The following SUSD4 variants were observed in gnomAD, a reference collection of about 807,000 sequenced individuals.
SUSD4 encodes sushi domain-containing protein 4.
In SUSD4, 41 loss-of-function variants were observed where a neutral mutation model predicts 50.5. The observed-to-expected ratio is 0.81, with a 90% confidence interval of 0.63 to 1.05. SUSD4 has a LOEUF of 1.05. Ranked by LOEUF, SUSD4 falls within the 50% of genes least tolerant of loss-of-function variation. The pLI is 0.00. For synonymous variants in SUSD4, 257 were observed against 257.3 expected, an observed-to-expected ratio of 1.00 and a Z score of 0.01; for missense variants, 580 against 634.7, an observed-to-expected ratio of 0.91 and a Z score of 0.93.
chr1:223,319,786 A>G (rs1666460406), intron 2 of SUSD4, among the ~76,000 whole-genome samples: 2 of 152,222 alleles, frequency 1.3e-5, no homozygotes, highest in Non-Finnish European at 2.9e-5. Flanking sequence ...TCACACTGAC[A>G]CTTCCAACTA....
chr1:223,245,544 C>A (rs576254156), intron 5 of SUSD4, among the ~76,000 whole-genome samples: 1 of 151,960 alleles, frequency 6.6e-6, no homozygotes, highest in Non-Finnish European at 1.5e-5. Flanking sequence ...GGGAGGCAGG[C>A]GGGACACTGT....
intron 5 of SUSD4, among the ~76,000 whole-genome samples, chr1:223,260,982 C>G (rs557645496): frequency 4.6e-5 from 7 of 152,302 alleles, no homozygotes; most frequent in African/African-American, 1.4e-4. Flanking sequence ...AGGTGCCATG[C>G]GGCAGAGACC....
intron 3 of SUSD4, among the ~76,000 whole-genome samples, chr1:223,285,162 T>C (rs1664053706): frequency 1.3e-5 from 2 of 152,070 alleles, no homozygotes; most frequent in Admixed American, 1.3e-4. Context: ...AAATAAAACA[T>C]AGGTACCCAA....
At chr1:223,252,759 G>T (rs1661422115) in intron 5 of SUSD4, among the ~76,000 whole-genome samples, 2 of 151,442 alleles carry the variant, frequency 1.3e-5, no homozygotes. Context: ...CCTTCTTAAG[G>T]CCTGGACCAA....
At chr1:223,282,498 A>C (rs1663816401) in intron 3 of SUSD4, among the ~76,000 whole-genome samples, 1 of 152,104 alleles carries the variant, frequency 6.6e-6, no homozygotes, top group Non-Finnish European at 1.5e-5. Flanking sequence ...AATTGCTTCA[A>C]AAAGAATAAA....
At chr1:223,294,171 T>C (rs1043854547) in intron 2 of SUSD4, among the ~76,000 whole-genome samples, 21 of 152,150 alleles carry the variant, frequency 1.4e-4, no homozygotes, top group African/African-American at 5.1e-4. Context: ...ACAACAAATA[T>C]ACATAACTCT....
chr1:223,258,027 C>A (rs1294166917), intron 5 of SUSD4, among the ~76,000 whole-genome samples: 1 of 152,174 alleles, frequency 6.6e-6, no homozygotes, highest in Non-Finnish European at 1.5e-5. Flanking sequence ...GTGTCCCCTG[C>A]AGCCTGCCTC....
chr1:223,277,852 G>C (rs1195039753), intron 3 of SUSD4, among the ~76,000 whole-genome samples: 1 of 152,086 alleles, frequency 6.6e-6, no homozygotes, highest in African/African-American at 2.4e-5. Flanking sequence ...GATCTTTGTC[G>C]AACACTAGAG....
intron 5 of SUSD4, among the ~76,000 whole-genome samples, chr1:223,249,559 A>G (rs1425711588): frequency 6.6e-6 from 1 of 152,178 alleles, no homozygotes; most frequent in Non-Finnish European, 1.5e-5. Context: ...TTGAGTAGTG[A>G]GTTAAGAAGA....
At chr1:223,319,334 C>T (rs527533697) in intron 2 of SUSD4, among the ~76,000 whole-genome samples, 72 of 144,898 alleles carry the variant, frequency 5.0e-4, no homozygotes, top group African/African-American at 1.8e-3. Flanking sequence ...AGCTTCTGCA[C>T]AGCAAAAGAA....
At chr1:223,270,788 C>T (rs111499369) in intron 3 of SUSD4, among the ~76,000 whole-genome samples, 1 of 152,142 alleles carries the variant, frequency 6.6e-6, no homozygotes, top group Non-Finnish European at 1.5e-5. Flanking sequence ...AGGATGTTCT[C>T]GAACTCCTGA....
intron 5 of SUSD4, among the ~76,000 whole-genome samples, chr1:223,252,230 A>ATATATATATAT (rs1553285623): frequency 6.2e-5 from 4 of 64,708 alleles, no homozygotes; most frequent in African/African-American, 1.9e-4. Flanking sequence ...AAAAAAAAAA[A>ATATATATATAT]AAAAAAATAT....
At position 223,221,744 on chromosome 1, in the gene SUSD4, A is replaced by C. The variant is rs1013769776; in HGVS notation, c.*448T>G. ...CAGCATCTCAACACAAACTTTCTGC[A>C]GAGGCTGACCCATCCAAATTTGGAG... On this transcript the variant is annotated 3_prime_UTR_variant, in exon 9 of 9. Transcript: ENST00000366878. The C allele has an allele frequency of 5.7e-5, 9 of 157,382 alleles. No homozygotes were observed. The highest frequency in any genetic ancestry group is 1.4e-5 in the Non-Finnish European group (1 of 71,806). 9.7% of individuals were successfully genotyped at this position (157,382 alleles called of 1,614,324 possible).
chr1:223,285,859 G>C (rs1664101249), intron 3 of SUSD4, among the ~76,000 whole-genome samples: 1 of 152,184 alleles, frequency 6.6e-6, no homozygotes, highest in African/African-American at 2.4e-5. Context: ...GAGCGGGAGA[G>C]AGGAGAGGAT....
At chr1:223,336,391 A>T (rs1455043460) in intron 2 of SUSD4, among the ~76,000 whole-genome samples, 4 of 152,260 alleles carry the variant, frequency 2.6e-5, no homozygotes, top group Non-Finnish European at 5.9e-5. Context: ...TTAGTATCTA[A>T]ATTTTATAAA....
intron 2 of SUSD4, among the ~76,000 whole-genome samples, chr1:223,335,705 A>C (rs576095825): frequency 1.3e-5 from 2 of 152,334 alleles, no homozygotes; most frequent in East Asian, 3.9e-4. Flanking sequence ...AGAAATGAGA[A>C]AACACAGATT....
At chr1:223,233,561 G>C (rs1305206895) in intron 5 of SUSD4, among the ~76,000 whole-genome samples, 1 of 152,086 alleles carries the variant, frequency 6.6e-6, no homozygotes, top group Non-Finnish European at 1.5e-5. Flanking sequence ...CAGACAGACG[G>C]ATGGACACAC....
intron 5 of SUSD4, chr1:223,235,204 T>C (rs1393805215): frequency 1.4e-5 from 17 of 1,255,146 alleles, no homozygotes; most frequent in Non-Finnish European, 1.9e-5. Flanking sequence ...AAAGACTTTA[T>C]TTTTAAGAGC....
chr1:223,329,957 G>A (rs1208625326), intron 2 of SUSD4, among the ~76,000 whole-genome samples: 1 of 152,188 alleles, frequency 6.6e-6, no homozygotes, highest in Non-Finnish European at 1.5e-5. Context: ...TGGATGAATA[G>A]ATGAACAAAC....
Sources: allele counts gnomAD v4.1 joint callset (sites outside exome capture counted in the v4.1 genomes callset), GRCh38; gene constraint gnomAD v4.1.1; transcripts MANE v1.5; gene names NCBI Gene and HGNC (gene_info 2026-07-23, HGNC 2026-07-21).